SLC34A1: variants seen among roughly 807,000 people sequenced by gnomAD.
SLC34A1 encodes sodium-dependent phosphate transport protein 2A.
In SLC34A1, 57 loss-of-function variants were observed where a neutral mutation model predicts 51.4. The ratio of observed to expected loss-of-function variants is 1.11; its 90% CI spans 0.90 to 1.38. The LOEUF (loss-of-function observed/expected upper bound fraction) is 1.38. Among genes scored for constraint, SLC34A1 ranks in the 40% most tolerant of loss-of-function variants. SLC34A1 has a pLI of 0.00. For missense variants in SLC34A1, 796 were observed against 835.6 expected (o/e 0.95, Z 0.58); for synonymous variants, 368 against 358.0 (o/e 1.03, Z -0.32).
chr5:177,390,683 G>A lies in SLC34A1; in HGVS notation c.936+2311G>A, dbSNP rs547829279. Among the ~76,000 whole-genome samples, 43 of 151,984 alleles carry A rather than the reference G, an allele frequency of 2.8e-4. 1 individual carries two copies. The highest frequency in any genetic ancestry group is 3.4e-3 in the Middle Eastern group (1 of 294). ...AAGTTCTCCTTTTCGCCACCAGGTGGTGCTGCTGGCACAGTGCTCTCCCTC... is the reference window on the plus strand; with the variant it reads ...AAGTTCTCCTTTTCGCCACCAGGTGATGCTGCTGGCACAGTGCTCTCCCTC... On this transcript the variant is annotated intron_variant, in intron 8 of 12. Transcript: ENST00000324417.
Position 177,397,081 on chromosome 5 carries a change from TG to T in SLC34A1, c.1416+10del, listed in dbSNP as rs756259065. On this transcript the variant is annotated splice_region_variant and intron_variant, in intron 12 of 12. Transcript: ENST00000324417. ...GCTGTCCAGCGCTTTCCAGGTGCGCTGGGAGTGTAGCCTCGCCTGGGGCAGG... is the reference window on the plus strand; with the variant it reads ...GCTGTCCAGCGCTTTCCAGGTGCGCTGGAGTGTAGCCTCGCCTGGGGCAGG... 2 of 1,612,346 alleles carry T rather than the reference TG, an allele frequency of 1.2e-6. No homozygotes were observed. Among genetic ancestry groups the T allele is most frequent in the Non-Finnish European group, 1.7e-6 (2 of 1,179,754 alleles).
At position 177,385,806 on chromosome 5, in the gene SLC34A1, A is replaced by T; in HGVS notation, c.65A>T (p.His22Leu). 1 of 1,613,412 alleles carries T rather than the reference A, an allele frequency of 6.2e-7. No individual in the cohort carries two copies. Among genetic ancestry groups the T allele is most frequent in the East Asian group, 2.2e-5 (1 of 44,828 alleles). ...AVSPLPVRGG[H>L]VMRGTAFAYV... ...TCCCCACTCCCAGTCCGTGGGGGGCATGTGATGCGAGGGACGGCCTTTGCC... is the reference window on the plus strand; with the variant it reads ...TCCCCACTCCCAGTCCGTGGGGGGCTTGTGATGCGAGGGACGGCCTTTGCC... The change falls in exon 2 of 13, where the codon CAT (histidine) becomes CTT (leucine). Residue 22 changes from histidine to leucine, a missense_variant. By Grantham distance (99) the His-to-Leu change is moderately conservative. Coordinates refer to ENST00000324417, the MANE Select transcript of SLC34A1 (RefSeq NM_003052.5).
In SLC34A1 at chr5:177,388,879, G is replaced by C. The variant is rs56297224; in HGVS notation, c.936+507G>C. ...AGCTTATCCTACCATGTCAGGGCCTGAGCACCCTAGAGGGGTTAGTGACTC... is the reference window on the plus strand; with the variant it reads ...AGCTTATCCTACCATGTCAGGGCCTCAGCACCCTAGAGGGGTTAGTGACTC... On this transcript the variant is annotated intron_variant, in intron 8 of 12. Transcript: ENST00000324417. This position sits in a 1 kb window ranked among gnomAD's most constrained non-coding sequence, Gnocchi z 4.3. Among the ~76,000 whole-genome samples the C allele has an allele frequency of 1.6e-4, 25 of 152,114 alleles. No homozygotes were observed. The highest frequency in any genetic ancestry group is 3.4e-3 in the Middle Eastern group (1 of 294).
At position 177,398,707 on chromosome 5, in the gene SLC34A1, T is replaced by G. The variant is rs1763053199; in HGVS notation, c.*421T>G. The G allele has an allele frequency of 4.6e-6, 1 of 218,600 alleles. No individual in the cohort carries two copies. Among genetic ancestry groups the G allele is most frequent in the Admixed American group, 5.2e-5 (1 of 19,270 alleles). The allele number at this position is 218,600 out of a possible 1,614,324, so 13.5% of individuals were successfully genotyped here. A position where few individuals can be genotyped will look rare whatever the true frequency, so the allele number is the denominator to read the frequency against. ...ATGTTGGTGCCTGCGTTACTGAATT[T>G]GCACACCTCCTTGCCACCTTCCTTC... On this transcript the variant is annotated 3_prime_UTR_variant, in exon 13 of 13. Transcript: ENST00000324417. This position sits in a 1 kb window ranked among gnomAD's most constrained non-coding sequence, Gnocchi z 4.7.
At chr5:177,389,791 T>G in intron 8 of SLC34A1, 1 of 1,534,074 alleles carries the variant, frequency 6.5e-7, no homozygotes, top group African/African-American at 1.4e-5. Flanking sequence ...CGTCCTCACT[T>G]GAAGTCATCC....
rs1018142704 is a variant in SLC34A1, at chr5:177,388,417, A to G, written c.936+45A>G. 1 of 1,479,964 alleles carries G rather than the reference A, an allele frequency of 6.8e-7. No homozygotes were observed. The highest frequency in any genetic ancestry group is 1.4e-5 in the African/African-American group (1 of 72,256). 91.7% of individuals were successfully genotyped at this position (1,479,964 alleles called of 1,614,324 possible). On this transcript the variant is annotated intron_variant, in intron 8 of 12. Coordinates refer to ENST00000324417, the MANE Select transcript of SLC34A1 (RefSeq NM_003052.5). This position sits in a 1 kb window ranked among gnomAD's most constrained non-coding sequence, Gnocchi z 4.3. ...CCAGGTAAGAGGACTCCCTCTTCAG[A>G]CTCTTGGTTTCATTGTCTGTTCAAA...
rs369168649 is a variant in SLC34A1 at position 177,385,863 on chromosome 5, C to T, written c.109+13C>T. ...CCCAGCCCTCAGGGTAAGTGCTGCT[C>T]CCACACCCTGGACCCTGGTTGCCCA... On this transcript the variant is annotated intron_variant, in intron 2 of 12. Transcript: ENST00000324417. The T allele has an allele frequency of 1.4e-5, 23 of 1,612,610 alleles. No individual in the cohort carries two copies. The highest frequency in any genetic ancestry group is 1.9e-5 in the Non-Finnish European group (22 of 1,179,096).
At position 177,394,059 on chromosome 5, in the gene SLC34A1, G is replaced by A. The variant is rs73336286; in HGVS notation, c.1038G>A (p.Pro346=). The A allele has an allele frequency of 1.4e-4, 228 of 1,614,078 alleles. 1 individual carries two copies. The highest frequency in any genetic ancestry group is 2.7e-4 in the Admixed American group (16 of 60,030). Residue 346 remains proline, a synonymous_variant, in exon 10 of 13, where the codon CCG becomes CCA. Coordinates refer to ENST00000324417, the MANE Select transcript of SLC34A1 (RefSeq NM_003052.5). ...CNHIFVDTGL[P]DLAVGLILLA... ...ACATCTTTGTGGACACTGGCCTACC[G>A]GACCTGGCTGTGGGGCTCATCCTGC...
intron 8 of SLC34A1, chr5:177,389,518 AC>A: frequency 7.8e-7 from 1 of 1,289,238 alleles, no homozygotes; most frequent in Non-Finnish European, 1.1e-6. Context: ...ATAAAAAAAA[AC>A]CCCTGCGGGC....
chr5:177,385,183 C>A (rs2127345402), intron 1 of SLC34A1, among the ~76,000 whole-genome samples: 1 of 152,274 alleles, frequency 6.6e-6, no homozygotes, highest in South Asian at 2.1e-4. Flanking sequence ...GTCTGCAGCT[C>A]CTCCTTGCTC....
chr5:177,389,551 A>T, intron 8 of SLC34A1: 2 of 1,499,982 alleles, frequency 1.3e-6, no homozygotes, highest in Non-Finnish European at 1.8e-6. Context: ...TGACTTCATG[A>T]CCTCTTTAAT....
chr5:177,396,913 A>G lies in SLC34A1; in HGVS notation c.1292-37A>G, dbSNP rs757171466. ...GCTGGCAGGGAAAGGGCCGAAGGAG[A>G]CGCTGGGGGTCCCACTTCCTCTCCC... On this transcript the variant is annotated intron_variant, in intron 11 of 12. Coordinates refer to ENST00000324417, the MANE Select transcript of SLC34A1 (RefSeq NM_003052.5). This position sits in a 1 kb window ranked among gnomAD's most constrained non-coding sequence, Gnocchi z 4.0. 1 of 1,614,022 alleles carries G rather than the reference A, an allele frequency of 6.2e-7. No homozygotes were observed. The highest frequency in any genetic ancestry group is 2.2e-5 in the East Asian group (1 of 44,870).
intron 8 of SLC34A1, chr5:177,389,717 T>C: frequency 6.5e-7 from 1 of 1,537,290 alleles, no homozygotes; most frequent in Admixed American, 2.0e-5. Context: ...TGTTCCTCAC[T>C]GCCCCTGAGC....
At position 177,396,642 on chromosome 5, in the gene SLC34A1, G is replaced by A. The variant is rs1238756566; in HGVS notation, c.1175-91G>A. The stretch of plus-strand genomic sequence containing the variant: ...AGATCCGCTCTCCCAGTGCCCCCGC[G>A]GAGGTCCGCTCTCCCAGTGCCCCCG... On this transcript the variant is annotated intron_variant, in intron 10 of 12. Transcript: ENST00000324417. The surrounding 1 kb of genome is among the most constrained non-coding windows in gnomAD (Gnocchi z 4.0). 4.7e-5 allele frequency: 47 copies of A among 990,596 alleles called. No homozygotes were observed. The highest frequency in any genetic ancestry group is 2.1e-4 in the South Asian group (16 of 77,772). The allele number at this position is 990,596 out of a possible 1,614,324, so 61.4% of individuals were successfully genotyped here.
In SLC34A1 at chr5:177,396,484, GT is replaced by G. The variant is rs1561634531; in HGVS notation, c.1175-248del. On this transcript the variant is annotated intron_variant, in intron 10 of 12. Transcript: ENST00000324417. The surrounding 1 kb of genome is among the most constrained non-coding windows in gnomAD (Gnocchi z 4.0). Reference sequence around the variant, plus strand: ...CCGCTCTCCCAGTGCCCCCGCGGAGGTCCTCTCTCCCAGTGCCCCCGCGGAG... The same window carrying G: ...CCGCTCTCCCAGTGCCCCCGCGGAGGCCTCTCTCCCAGTGCCCCCGCGGAG... Among the ~76,000 whole-genome samples, 1 of 126,544 alleles carries G rather than the reference GT, an allele frequency of 7.9e-6. No individual in the cohort carries two copies. The highest frequency in any genetic ancestry group is 1.7e-5 in the Non-Finnish European group (1 of 57,674). 83.0% of individuals were successfully genotyped at this position (126,544 alleles called of 152,430 possible).
intron 12 of SLC34A1, chr5:177,397,324 G>A: frequency 1.8e-6 from 1 of 543,320 alleles, no homozygotes; most frequent in Non-Finnish European, 3.3e-6. Context: ...ATAAGGAAGA[G>A]GAAGAGGAAG....
Position 177,388,402 on chromosome 5 carries a change from G to C in SLC34A1, c.936+30G>C. 1 of 1,548,370 alleles carries C rather than the reference G, an allele frequency of 6.5e-7. No individual in the cohort carries two copies. The highest frequency in any genetic ancestry group is 8.9e-7 in the Non-Finnish European group (1 of 1,120,436). ...GTCCCAGGCCTAACCCCAGGTAAGA[G>C]GACTCCCTCTTCAGACTCTTGGTTT... is the stretch of plus-strand genomic sequence containing the variant. On this transcript the variant is annotated intron_variant, in intron 8 of 12. Coordinates refer to ENST00000324417, the MANE Select transcript of SLC34A1 (RefSeq NM_003052.5). This position sits in a 1 kb window ranked among gnomAD's most constrained non-coding sequence, Gnocchi z 4.3.
Position 177,387,742 on chromosome 5 carries a change from G to A in SLC34A1, c.533-20G>A, listed in dbSNP as rs1762639324. 1.9e-6 allele frequency: 3 copies of A among 1,600,280 alleles called. No homozygotes were observed. Among genetic ancestry groups the A allele is most frequent in the Non-Finnish European group, 2.6e-6 (3 of 1,167,504 alleles). ...GCTGGGTGACCGTCAAATTCATTAG[G>A]ACGTCTTCTCTTCTACCAGTGCTGG... is the stretch of plus-strand genomic sequence containing the variant. On this transcript the variant is annotated intron_variant, in intron 5 of 12. Transcript: ENST00000324417.
At chr5:177,397,191 A>G in intron 12 of SLC34A1, 117 bp downstream of exon 12, 1 of 1,345,108 alleles carries the variant, frequency 7.4e-7, no homozygotes, top group South Asian at 1.3e-5. Flanking sequence ...AGGGCCACCT[A>G]ATATGCTCAA....
Sources: gnomAD v4.1 joint callset for allele counts (sites outside exome capture counted in the v4.1 genomes callset) on GRCh38, gnomAD v4.1.1 for gene constraint, Gnocchi (gnomAD v3.1) non-coding constraint, MANE v1.5 for transcripts, NCBI Gene and HGNC (gene_info 2026-07-23, HGNC 2026-07-21) for gene names.